IMPG1: variants seen among roughly 807,000 people sequenced by gnomAD.
IMPG1 encodes interphotoreceptor matrix proteoglycan 1.
IMPG1 carries 85 observed loss-of-function variants against 92.0 expected under a neutral mutation model. That is an observed-to-expected ratio of 0.92 (90% CI 0.78 to 1.11). The LOEUF is 1.11. Among genes scored for constraint, IMPG1 ranks in the 50% least tolerant of loss-of-function variants. The pLI is 0.00. For synonymous variants in IMPG1, 367 were observed against 334.1 expected, an observed-to-expected ratio of 1.10 and a Z score of -1.08; for missense variants, 1,022 against 956.0, an observed-to-expected ratio of 1.07 and a Z score of -0.91.
intron 14 of IMPG1, among the ~76,000 whole-genome samples, chr6:75,943,172 T>TC (rs1291920920): frequency 6.6e-6 from 1 of 152,048 alleles, no homozygotes; most frequent in Non-Finnish European, 1.5e-5. Context: ...TGCTTTGGGG[T>TC]CGCTATCTCC....
At chr6:75,942,684 C>G (rs565006682) in intron 14 of IMPG1, among the ~76,000 whole-genome samples, 53 of 152,232 alleles carry the variant, frequency 3.5e-4, no homozygotes, top group Non-Finnish European at 7.4e-4. Context: ...ATGGCTTACA[C>G]GCAAATATCC....
chr6:75,924,523 T>TATATTATAATATAATTAATATAATTAA (rs1562334610), intron 15 of IMPG1, among the ~76,000 whole-genome samples: 2 of 70,702 alleles, frequency 2.8e-5, no homozygotes, highest in Non-Finnish European at 5.0e-5. Flanking sequence ...AATATAATTA[T>TATATTATAATATAATTAATATAATTAA]ATATTATAAT....
intron 14 of IMPG1, among the ~76,000 whole-genome samples, chr6:75,943,314 T>C (rs2149454669): frequency 6.6e-6 from 1 of 152,076 alleles, no homozygotes; most frequent in South Asian, 2.1e-4. Context: ...ATGGGAGGTG[T>C]TTGTGTCGTA....
chr6:76,044,988 C>T (rs1309440230), intron 1 of IMPG1, among the ~76,000 whole-genome samples: 2 of 152,184 alleles, frequency 1.3e-5, no homozygotes, highest in African/African-American at 4.8e-5. Flanking sequence ...TCCCACTTTT[C>T]CCTTTCCCCT....
At chr6:76,056,815 T>C (rs562887041) in intron 1 of IMPG1, among the ~76,000 whole-genome samples, 2 of 152,184 alleles carry the variant, frequency 1.3e-5, no homozygotes, top group Non-Finnish European at 2.9e-5. Context: ...TTTTATGTCT[T>C]ATTTGGAAAA....
At chr6:75,988,049 C>G (rs1782750978) in intron 12 of IMPG1, among the ~76,000 whole-genome samples, 1 of 152,186 alleles carries the variant, frequency 6.6e-6, no homozygotes, top group Admixed American at 6.5e-5. Flanking sequence ...GGTTGCAAGT[C>G]TTTGCTATTG....
intron 13 of IMPG1, among the ~76,000 whole-genome samples, chr6:75,949,222 T>C (rs1159052188): frequency 6.6e-6 from 1 of 152,136 alleles, no homozygotes; most frequent in Non-Finnish European, 1.5e-5. Context: ...TCCCAGACAG[T>C]TAAGTCACAG....
chr6:75,956,144 A>G (rs1255919697), intron 12 of IMPG1, among the ~76,000 whole-genome samples: 1 of 151,988 alleles, frequency 6.6e-6, no homozygotes, highest in Non-Finnish European at 1.5e-5. Flanking sequence ...CTCTTTTTCT[A>G]TTGTTTGGAA....
At chr6:75,942,764 C>T (rs1781856437) in intron 14 of IMPG1, among the ~76,000 whole-genome samples, 1 of 152,048 alleles carries the variant, frequency 6.6e-6, no homozygotes, top group African/African-American at 2.4e-5. Flanking sequence ...TGTCATATTG[C>T]TAGATTTAAA....
intron 4 of IMPG1, among the ~76,000 whole-genome samples, chr6:76,028,672 T>C (rs541239457): frequency 1.3e-5 from 2 of 152,032 alleles, no homozygotes; most frequent in East Asian, 3.9e-4. Context: ...TACTAAAAAA[T>C]AGAAAAAATC....
intron 12 of IMPG1, among the ~76,000 whole-genome samples, chr6:75,999,255 T>C (rs186159449): frequency 8.7e-5 from 13 of 149,864 alleles, no homozygotes; most frequent in African/African-American, 2.8e-4. Context: ...CCCACAATTC[T>C]ATACAACATA....
At chr6:75,986,312 A>G (rs1346401359) in intron 12 of IMPG1, among the ~76,000 whole-genome samples, 2 of 152,176 alleles carry the variant, frequency 1.3e-5, no homozygotes, top group African/African-American at 2.4e-5. Context: ...GAGGAAGAAG[A>G]AAGAGAGTCA....
At chr6:76,066,553 A>T (rs1014112163) in intron 1 of IMPG1, among the ~76,000 whole-genome samples, 2 of 152,138 alleles carry the variant, frequency 1.3e-5, no homozygotes, top group Non-Finnish European at 2.9e-5. Flanking sequence ...CAGATTCATA[A>T]AACAAATTCT....
chr6:76,067,289 A>G (rs1184730029), intron 1 of IMPG1, among the ~76,000 whole-genome samples: 1 of 152,118 alleles, frequency 6.6e-6, no homozygotes, highest in Admixed American at 6.6e-5. Context: ...AAAGACTGCC[A>G]GCTAGATTAA....
chr6:76,000,508 G>A (rs1050942925), intron 12 of IMPG1, among the ~76,000 whole-genome samples: 7 of 152,098 alleles, frequency 4.6e-5, no homozygotes, highest in African/African-American at 1.7e-4. Context: ...TTAAAATGAT[G>A]TAGGATTTTA....
chr6:76,033,850 T>G (rs1783691219), intron 4 of IMPG1, among the ~76,000 whole-genome samples: 1 of 152,230 alleles, frequency 6.6e-6, no homozygotes, highest in South Asian at 2.1e-4. Context: ...GATATTCAGT[T>G]CTTGTTGAGG....
At chr6:76,045,178 T>C (rs1300968607) in intron 1 of IMPG1, among the ~76,000 whole-genome samples, 1 of 152,228 alleles carries the variant, frequency 6.6e-6, no homozygotes, top group Non-Finnish European at 1.5e-5. Context: ...CACCCAGTTT[T>C]AAATATCTCC....
chr6:76,057,184 T>C (rs760025752), intron 1 of IMPG1, among the ~76,000 whole-genome samples: 2 of 152,110 alleles, frequency 1.3e-5, no homozygotes, highest in African/African-American at 4.8e-5. Flanking sequence ...AAATAGCTAA[T>C]GAATGCTGGG....
intron 12 of IMPG1, among the ~76,000 whole-genome samples, chr6:75,954,817 A>T (rs1022372867): frequency 1.3e-5 from 2 of 152,214 alleles, no homozygotes; most frequent in South Asian, 2.1e-4. Flanking sequence ...GTCCAGTTTC[A>T]GTCTTCTGCA....
Sources: gnomAD v4.1 joint callset for allele counts (sites outside exome capture counted in the v4.1 genomes callset) on GRCh38, gnomAD v4.1.1 for gene constraint, MANE v1.5 for transcripts, NCBI Gene and HGNC (gene_info 2026-07-23, HGNC 2026-07-21) for gene names.